Variants in AFF3 observed in about 807,000 individuals in gnomAD.
AFF3 encodes AF4/FMR2 family member 3.
In AFF3, 32 loss-of-function variants were observed where a neutral mutation model predicts 129.7. The ratio of observed to expected loss-of-function variants is 0.25; its 90% CI spans 0.19 to 0.33. The LOEUF is 0.33. Among genes scored for constraint, AFF3 ranks in the 10% least tolerant of loss-of-function variants. AFF3 has a pLI of 1.00. For missense variants in AFF3, 1,373 were observed against 1,592.0 expected, an observed-to-expected ratio of 0.86 and a Z score of 2.34; for synonymous variants, 644 against 635.4, an observed-to-expected ratio of 1.01 and a Z score of -0.20.
rs775852704 is a variant in AFF3 at position 99,593,244 on chromosome 2, G to A, written c.2417C>T (p.Ser806Leu). The A allele has an allele frequency of 1.2e-5, 19 of 1,609,970 alleles. No homozygotes were observed. Among genetic ancestry groups the A allele is most frequent in the Non-Finnish European group, 1.6e-5 (19 of 1,177,124 alleles). Residue 806 changes from serine to leucine, a missense_variant, in exon 15 of 25, where the codon TCG (serine) becomes TTG (leucine). Physicochemically the swap from Ser to Leu is moderately radical, Grantham distance 145 (BLOSUM62 -2). This residue lies in a region of AFF3 where 466 missense variants were observed against 505.0 expected (regional missense o/e 0.92). Coordinates refer to ENST00000672756, the MANE Select transcript of AFF3 (RefSeq NM_001386135.1). ...DSESAPPSHT[S>L]DTPAEKALPK... ...CAAAGCCTTTTCTGCAGGTGTGTCC[G>A]AGGTGTGGCTGGGCGGTGCGCTCTC...
chr2:99,766,230 C>T (rs1460430130), intron 8 of AFF3, among the ~76,000 whole-genome samples: 1 of 152,244 alleles, frequency 6.6e-6, no homozygotes, highest in East Asian at 1.9e-4. Context: ...TTCTGGTTTA[C>T]CAGAGGGAAG....
At chr2:99,839,589 A>G (rs970766430) in intron 7 of AFF3, among the ~76,000 whole-genome samples, 3 of 150,696 alleles carry the variant, frequency 2.0e-5, no homozygotes, top group Admixed American at 1.3e-4. Flanking sequence ...TGTGGCTTTG[A>G]TCTGCATTTT....
At chr2:99,773,152 T>G (rs1255540764) in intron 8 of AFF3, among the ~76,000 whole-genome samples, 2 of 152,220 alleles carry the variant, frequency 1.3e-5, no homozygotes, top group Non-Finnish European at 2.9e-5. Flanking sequence ...CACTGCCTCC[T>G]TAAGTTCCTT....
At chr2:99,827,069 G>A (rs1688146733) in intron 8 of AFF3, among the ~76,000 whole-genome samples, 1 of 152,146 alleles carries the variant, frequency 6.6e-6, no homozygotes, top group Non-Finnish European at 1.5e-5. Flanking sequence ...CAAGCTGCAG[G>A]AAAAGCCGGC....
intron 7 of AFF3, among the ~76,000 whole-genome samples, chr2:99,845,836 T>G (rs1381986457): frequency 6.6e-6 from 1 of 152,138 alleles, no homozygotes; most frequent in African/African-American, 2.4e-5. Flanking sequence ...ATTAATTAAT[T>G]AATTTCTTTA....
chr2:99,815,976 C>G (rs1355757163), intron 8 of AFF3, among the ~76,000 whole-genome samples: 1 of 151,542 alleles, frequency 6.6e-6, no homozygotes, highest in Non-Finnish European at 1.5e-5. Flanking sequence ...ATTTTCCCCT[C>G]TGTGATTCCA....
At chr2:99,817,369 C>T (rs76426754) in intron 8 of AFF3, among the ~76,000 whole-genome samples, 1 of 152,290 alleles carries the variant, frequency 6.6e-6, no homozygotes, top group African/African-American at 2.4e-5. Flanking sequence ...AGCAAATGTC[C>T]AAGTCCTGCT....
In AFF3 at chr2:99,644,718, C is replaced by T. The variant is rs189105141; in HGVS notation, c.1184+4908G>A. ...TCCCTTTTTTGATCAGAGTTATCTACTATTTACTACTCATGAAGGGAAGTT... is the reference window on the plus strand; with the variant it reads ...TCCCTTTTTTGATCAGAGTTATCTATTATTTACTACTCATGAAGGGAAGTT... On this transcript the variant is annotated intron_variant, in intron 13 of 24. Transcript: ENST00000672756. 1.2e-3 allele frequency among the ~76,000 whole-genome samples: 177 copies of T among 152,334 alleles called. 3 individuals carry two copies. In the East Asian group the frequency reaches 0.027, roughly 23 times the overall value.
intron 2 of AFF3, among the ~76,000 whole-genome samples, chr2:100,119,175 T>A (rs1691850752): frequency 6.6e-6 from 1 of 152,250 alleles, no homozygotes. Flanking sequence ...CCTGCTTATG[T>A]GTCTCAGTTT....
In AFF3 at chr2:99,594,250, A is replaced by G; in HGVS notation, c.1411T>C (p.Trp471Arg). 1 of 1,612,658 alleles carries G rather than the reference A, an allele frequency of 6.2e-7. No homozygotes were observed. Among genetic ancestry groups the G allele is most frequent in the Non-Finnish European group, 8.5e-7 (1 of 1,179,058 alleles). ...ASSNKWQLDK[W>R]LNKVNPHKPP... is the part of the protein sequence containing the mutation. ...TTGTGGGGATTAACTTTGTTTAGCC[A>G]TTTATCCAGCTGCCACTTGTTAGAG... Residue 471 changes from tryptophan to arginine, a missense_variant, in exon 15 of 25, where the codon TGG becomes CGG. Physicochemically the swap from Trp to Arg is moderately radical, Grantham distance 101. This residue lies in a region of AFF3 where 413 missense variants were observed against 424.4 expected (regional missense o/e 0.97). Coordinates refer to ENST00000672756, the MANE Select transcript of AFF3 (RefSeq NM_001386135.1).
At chr2:99,800,192 T>C (rs546786843) in intron 8 of AFF3, among the ~76,000 whole-genome samples, 24 of 152,260 alleles carry the variant, frequency 1.6e-4, no homozygotes, top group African/African-American at 5.3e-4. Context: ...AACTTGAATG[T>C]AGAACATATA....
chr2:99,819,598 T>G (rs1490299579), intron 8 of AFF3, among the ~76,000 whole-genome samples: 1 of 152,252 alleles, frequency 6.6e-6, no homozygotes, highest in Non-Finnish European at 1.5e-5. Context: ...CACTAAGATG[T>G]GCGTATTCAC....
intron 8 of AFF3, among the ~76,000 whole-genome samples, chr2:99,784,663 A>C (rs1684662787): frequency 6.6e-6 from 1 of 152,250 alleles, no homozygotes; most frequent in Non-Finnish European, 1.5e-5. Context: ...TTGAGAGAAG[A>C]AGCTCTATCA....
rs1172395798 is a variant in AFF3, at chr2:99,601,532, G to A, written c.1274C>T (p.Ser425Phe). Reference sequence around the variant, plus strand: ...TCCGGAGCTGCTCTCTGAGTCGCTGGAGGAGCTGCTGCTGCCGCTGCTGCT... The same window carrying A: ...TCCGGAGCTGCTCTCTGAGTCGCTGAAGGAGCTGCTGCTGCCGCTGCTGCT... Reference protein sequence around the residue: ...SSSSSGSSSSSSDSESSSGSD... With the variant: ...SSSSSGSSSSFSDSESSSGSD... The change falls in exon 14 of 25, where the codon TCC becomes TTC. Residue 425 changes from serine to phenylalanine, a missense_variant. Ser to Phe is a radical substitution (Grantham distance 155, BLOSUM62 -2). Around this residue, in one of 9 missense-constraint regions of AFF3, gnomAD observed 413 missense variants for 424.4 expected, o/e 0.97. Transcript: ENST00000672756. 1.9e-6 allele frequency: 3 copies of A among 1,604,066 alleles called. No homozygotes were observed. The highest frequency in any genetic ancestry group is 2.5e-6 in the Non-Finnish European group (3 of 1,176,574).
intron 1 of AFF3, among the ~76,000 whole-genome samples, chr2:100,141,904 A>T (rs1329969877): frequency 6.6e-6 from 1 of 152,006 alleles, no homozygotes; most frequent in Non-Finnish European, 1.5e-5. Flanking sequence ...ACAATGTTCC[A>T]TCCAAGAAAT....
In AFF3 at chr2:99,578,298, TCAC is replaced by T. The variant is rs758795058; in HGVS notation, c.2918+26_2918+28del. 3.8e-6 allele frequency: 6 copies of T among 1,576,550 alleles called. No individual in the cohort carries two copies. In the Admixed American group the frequency reaches 1.2e-4, roughly 31 times the overall value. On this transcript the variant is annotated intron_variant, in intron 18 of 24. Coordinates refer to ENST00000672756, the MANE Select transcript of AFF3 (RefSeq NM_001386135.1). ...AGCAGCTTCTGTTCTGTCTTGCCCC[TCAC>T]CACATTTAAAAGCGTCTGAACTTAC...
chr2:99,636,575 G>C (rs1202179727), intron 13 of AFF3, among the ~76,000 whole-genome samples: 3 of 152,224 alleles, frequency 2.0e-5, no homozygotes, highest in Non-Finnish European at 4.4e-5. Context: ...CAATTACATA[G>C]AGGAAGTCTG....
intron 12 of AFF3, among the ~76,000 whole-genome samples, chr2:99,652,315 G>C (rs142586345): frequency 6.6e-6 from 1 of 152,162 alleles, no homozygotes; most frequent in Non-Finnish European, 1.5e-5. Context: ...TGGAATTGAT[G>C]AGGGTGTTTC....
At position 99,770,711 on chromosome 2, in the gene AFF3, C is replaced by T. The variant is rs775207251; in HGVS notation, c.922-18410G>A. ...TAAGTCAGCAAGAGATGGATCTTGC[C>T]AGGACTTGGTCCTTCCCTTCAAGGC... On this transcript the variant is annotated intron_variant, in intron 8 of 24. Coordinates refer to ENST00000672756, the MANE Select transcript of AFF3 (RefSeq NM_001386135.1). Among the ~76,000 whole-genome samples, 99 of 152,092 alleles carry T rather than the reference C, an allele frequency of 6.5e-4. 2 individuals carry two copies. Among genetic ancestry groups the T allele is most frequent in the African/African-American group, 2.3e-3 (94 of 41,480 alleles).
Sources: gnomAD v4.1 joint callset for allele counts (sites outside exome capture counted in the v4.1 genomes callset) on GRCh38, gnomAD v4.1.1 for gene constraint, gnomAD v4.1.1 regional missense constraint, MANE v1.5 for transcripts, NCBI Gene and HGNC (gene_info 2026-07-23, HGNC 2026-07-21) for gene names.